The following SAMMSON variants were observed in gnomAD, a reference collection of about 807,000 sequenced individuals.
SAMMSON encodes survival associated mitochondrial melanoma specific oncogenic non-coding RNA, also known as long intergenic non-protein coding RNA 1212.
chr3:70,269,443 A>G (rs1236327842), intron 6 of SAMMSON, among the ~76,000 whole-genome samples: 1 of 152,170 alleles, frequency 6.6e-6, no homozygotes, highest in Non-Finnish European at 1.5e-5. Flanking sequence ...TGTTCTAACC[A>G]TGTTCAAGTA....
At chr3:70,172,535 T>C (rs1700967448) in intron 4 of SAMMSON, 1 of 152,016 alleles carries the variant, frequency 6.6e-6, no homozygotes, top group Non-Finnish European at 1.5e-5. Flanking sequence ...AGAGCTATTC[T>C]GCTTAGTAAC....
chr3:70,381,492 A>G (rs550233062), intron 9 of SAMMSON, among the ~76,000 whole-genome samples: 1 of 152,196 alleles, frequency 6.6e-6, no homozygotes. Flanking sequence ...TACAAGAGAG[A>G]TATTAGATTG....
chr3:70,313,634 T>C (rs1320169259), intron 7 of SAMMSON, among the ~76,000 whole-genome samples: 1 of 152,166 alleles, frequency 6.6e-6, no homozygotes, highest in Non-Finnish European at 1.5e-5. Flanking sequence ...TATTTATTTT[T>C]TGTCTCAAGG....
At chr3:70,216,701 C>A (rs533654314) in intron 4 of SAMMSON, among the ~76,000 whole-genome samples, 1 of 152,262 alleles carries the variant, frequency 6.6e-6, no homozygotes, top group South Asian at 2.1e-4. Flanking sequence ...ATACTCAGGT[C>A]TCTGCTCAAA....
intron 3 of SAMMSON, among the ~76,000 whole-genome samples, chr3:70,020,293 G>A (rs1053949928): frequency 6.6e-6 from 1 of 152,076 alleles, no homozygotes; most frequent in Admixed American, 6.6e-5. Context: ...AGAGCTAAGA[G>A]ATTAATGCAG....
chr3:70,150,975 T>A (rs892636218), intron 4 of SAMMSON, among the ~76,000 whole-genome samples: 4 of 152,004 alleles, frequency 2.6e-5, no homozygotes, highest in Non-Finnish European at 5.9e-5. Flanking sequence ...TTAACAGAAA[T>A]ATATATATCT....
intron 4 of SAMMSON, among the ~76,000 whole-genome samples, chr3:70,211,362 TTGCCCTTCCCTTC>T (rs772201688): frequency 0.65 from 10,514 of 16,222 alleles, 4,141 homozygotes; most frequent in Non-Finnish European, 0.79. Context: ...TCCCTTCCCT[TTGCCCTTCCCTTC>T]CCTTTCCTTC....
At chr3:70,373,647 T>C (rs1702988677) in intron 9 of SAMMSON, among the ~76,000 whole-genome samples, 1 of 152,190 alleles carries the variant, frequency 6.6e-6, no homozygotes, top group South Asian at 2.1e-4. Context: ...GCTCTGTACA[T>C]TTTGTTTTCA....
intron 1 of SAMMSON, among the ~76,000 whole-genome samples, chr3:70,003,606 A>T (rs560374260): frequency 6.6e-6 from 1 of 151,990 alleles, no homozygotes; most frequent in African/African-American, 2.4e-5. Flanking sequence ...TTCTCTACTG[A>T]TTAATATGAC....
At chr3:70,292,741 A>G (rs1275058231) in intron 7 of SAMMSON, among the ~76,000 whole-genome samples, 2 of 151,986 alleles carry the variant, frequency 1.3e-5, no homozygotes, top group Non-Finnish European at 2.9e-5. Flanking sequence ...ACACACACAC[A>G]TGCACACACA....
At chr3:70,199,860 A>T (rs902741720) in intron 4 of SAMMSON, among the ~76,000 whole-genome samples, 2 of 152,156 alleles carry the variant, frequency 1.3e-5, no homozygotes, top group Admixed American at 6.5e-5. Context: ...TATACCATAT[A>T]TGCTATTGCC....
intron 4 of SAMMSON, among the ~76,000 whole-genome samples, chr3:70,177,384 G>A (rs1481356119): frequency 6.6e-6 from 1 of 152,130 alleles, no homozygotes; most frequent in Non-Finnish European, 1.5e-5. Flanking sequence ...TGTCCAGAAG[G>A]TAGAAAACAC....
At chr3:70,090,732 C>A (rs1344331183) in intron 4 of SAMMSON, among the ~76,000 whole-genome samples, 7 of 149,764 alleles carry the variant, frequency 4.7e-5, no homozygotes, top group African/African-American at 1.7e-4. Flanking sequence ...CTTTTATTGG[C>A]AACTAAAGTA....
chr3:70,087,868 C>T (rs1025627678), intron 4 of SAMMSON, among the ~76,000 whole-genome samples: 3 of 152,012 alleles, frequency 2.0e-5, no homozygotes, highest in African/African-American at 7.2e-5. Flanking sequence ...AATAAGCATA[C>T]TAATTTATGC....
intron 7 of SAMMSON, among the ~76,000 whole-genome samples, chr3:70,317,344 A>T (rs1480368854): frequency 6.6e-6 from 1 of 151,944 alleles, no homozygotes; most frequent in Non-Finnish European, 1.5e-5. Context: ...TTTTTTTCCA[A>T]CAATATATGT....
chr3:70,253,337 T>G (rs746887656), intron 6 of SAMMSON, among the ~76,000 whole-genome samples: 7 of 152,024 alleles, frequency 4.6e-5, no homozygotes, highest in Non-Finnish European at 8.8e-5. Flanking sequence ...GGGGTGTGCA[T>G]GGAGTCCAAG....
At chr3:70,291,120 A>G (rs1389283382) in intron 6 of SAMMSON, 1 of 152,204 alleles carries the variant, frequency 6.6e-6, no homozygotes, top group Non-Finnish European at 1.5e-5. Context: ...AAAGAATATC[A>G]TTGAAAGCAG....
intron 4 of SAMMSON, among the ~76,000 whole-genome samples, chr3:70,156,103 A>G (rs900730194): frequency 6.6e-6 from 1 of 152,008 alleles, no homozygotes; most frequent in African/African-American, 2.4e-5. Flanking sequence ...TCCAAACAGA[A>G]AGACCCAAGT....
At chr3:70,281,114 C>T (rs1105031) in intron 6 of SAMMSON, among the ~76,000 whole-genome samples, 41,189 of 151,998 alleles carry the variant, frequency 0.27, 5,641 homozygotes, top group South Asian at 0.32. Flanking sequence ...CTTTTGTGAA[C>T]TGATTTTTCA....
Sources: allele counts gnomAD v4.1 joint callset (sites outside exome capture counted in the v4.1 genomes callset), GRCh38; gene constraint gnomAD v4.1.1; transcripts MANE v1.5; gene names NCBI Gene and HGNC (gene_info 2026-07-23, HGNC 2026-07-21).